The following KIAA1328 variants were observed in gnomAD, a reference collection of about 807,000 sequenced individuals.
KIAA1328 encodes the protein protein hinderin.
Under a neutral mutation model 68.1 loss-of-function variants are expected in KIAA1328, and 52 were observed. That is an observed-to-expected ratio of 0.76 (90% confidence interval 0.61 to 0.96). The LOEUF (loss-of-function observed/expected upper bound fraction) is 0.96, where lower values mean the gene tolerates loss of function less well. Ranked by LOEUF, KIAA1328 falls within the 40% of genes least tolerant of loss-of-function variation. The pLI is 0.00. For synonymous variants in KIAA1328, 232 were observed against 239.4 expected (o/e 0.97, Z 0.28); for missense variants, 641 against 677.6 (o/e 0.95, Z 0.60).
At chr18:36,903,131 G>A (rs1878735483) in intron 5 of KIAA1328, among the ~76,000 whole-genome samples, 1 of 151,898 alleles carries the variant, frequency 6.6e-6, no homozygotes, top group Non-Finnish European at 1.5e-5. Flanking sequence ...GAATAATATA[G>A]AATATTGCTT....
At chr18:37,103,383 T>A (rs1262148168) in intron 7 of KIAA1328, among the ~76,000 whole-genome samples, 1 of 152,114 alleles carries the variant, frequency 6.6e-6, no homozygotes, top group Non-Finnish European at 1.5e-5. Flanking sequence ...TTTGACTGGG[T>A]GCCAAGAGCA....
At chr18:36,943,771 A>G (rs1165526175) in intron 5 of KIAA1328, among the ~76,000 whole-genome samples, 2 of 152,160 alleles carry the variant, frequency 1.3e-5, no homozygotes, top group Non-Finnish European at 2.9e-5. Flanking sequence ...TTTCTCTTTT[A>G]TTATATATAG....
chr18:37,214,635 T>C (rs2060389133), intron 9 of KIAA1328, among the ~76,000 whole-genome samples: 1 of 152,250 alleles, frequency 6.6e-6, no homozygotes, highest in Non-Finnish European at 1.5e-5. Context: ...CAATACGGGC[T>C]CTTTTTTGGT....
intron 4 of KIAA1328, among the ~76,000 whole-genome samples, chr18:36,879,535 C>T (rs557362946): frequency 3.9e-5 from 6 of 152,318 alleles, no homozygotes; most frequent in South Asian, 4.1e-4. Flanking sequence ...CTGTGTCTGT[C>T]GCTTAGCAGA....
intron 6 of KIAA1328, among the ~76,000 whole-genome samples, chr18:37,066,352 T>A (rs1403051023): frequency 6.6e-6 from 1 of 152,210 alleles, no homozygotes. Flanking sequence ...AGAATCCTAT[T>A]TTGTTGAAAG....
chr18:36,962,668 C>T (rs1210848594), intron 6 of KIAA1328, among the ~76,000 whole-genome samples: 1 of 152,234 alleles, frequency 6.6e-6, no homozygotes, highest in African/African-American at 2.4e-5. Flanking sequence ...AAAAAACTCA[C>T]TCAAAACGGC....
intron 6 of KIAA1328, among the ~76,000 whole-genome samples, chr18:36,984,200 G>A (rs532734566): frequency 7.9e-5 from 12 of 152,086 alleles, no homozygotes; most frequent in South Asian, 2.1e-4. Context: ...CAGGAACAAC[G>A]CAAGGATATT....
chr18:36,940,920 C>T (rs1015472616), intron 5 of KIAA1328, among the ~76,000 whole-genome samples: 7 of 152,040 alleles, frequency 4.6e-5, no homozygotes, highest in South Asian at 2.1e-4. Context: ...GTGATCCACC[C>T]GCCTCGGCCT....
intron 6 of KIAA1328, among the ~76,000 whole-genome samples, chr18:37,018,296 T>C (rs1226366413): frequency 6.6e-6 from 1 of 152,204 alleles, no homozygotes; most frequent in Admixed American, 6.5e-5. Context: ...AGGCTCCCAA[T>C]CTCTCCTGGC....
chr18:37,073,061 C>G (rs1296785254), intron 7 of KIAA1328, among the ~76,000 whole-genome samples: 1 of 152,134 alleles, frequency 6.6e-6, no homozygotes, highest in Admixed American at 6.6e-5. Context: ...CATAAAAACC[C>G]TAGAAGAAAA....
intron 5 of KIAA1328, among the ~76,000 whole-genome samples, chr18:36,893,909 A>G (rs1444494439): frequency 6.6e-6 from 1 of 152,150 alleles, no homozygotes; most frequent in Non-Finnish European, 1.5e-5. Context: ...ACAGTGTTAA[A>G]TTGTTTTTAT....
At chr18:36,882,457 A>G (rs943664947) in intron 4 of KIAA1328, among the ~76,000 whole-genome samples, 1 of 152,176 alleles carries the variant, frequency 6.6e-6, no homozygotes, top group East Asian at 1.9e-4. Flanking sequence ...TTTAAAATCT[A>G]TATTAATATA....
intron 7 of KIAA1328, among the ~76,000 whole-genome samples, chr18:37,116,883 T>G (rs186259342): frequency 1.4e-4 from 21 of 152,278 alleles, no homozygotes; most frequent in Admixed American, 9.2e-4. Context: ...AAGAAGACAT[T>G]TATGCAGCCA....
intron 6 of KIAA1328, among the ~76,000 whole-genome samples, chr18:36,967,373 TTCC>T (rs1441480936): frequency 1.3e-5 from 2 of 152,196 alleles, no homozygotes; most frequent in Admixed American, 6.5e-5. Context: ...TGGAATCAGT[TTCC>T]TCCTCAGATA....
intron 7 of KIAA1328, among the ~76,000 whole-genome samples, chr18:37,086,235 T>C (rs764627161): frequency 6.6e-6 from 1 of 152,226 alleles, no homozygotes; most frequent in Non-Finnish European, 1.5e-5. Context: ...CTAAGTGTTC[T>C]CACCACAAAA....
chr18:36,886,641 G>A (rs1294632316), intron 5 of KIAA1328, among the ~76,000 whole-genome samples: 1 of 152,140 alleles, frequency 6.6e-6, no homozygotes, highest in Non-Finnish European at 1.5e-5. Flanking sequence ...TTATCTTTGG[G>A]TATTGTATGC....
intron 7 of KIAA1328, among the ~76,000 whole-genome samples, chr18:37,138,317 T>C (rs1276122094): frequency 1.3e-5 from 2 of 152,176 alleles, no homozygotes; most frequent in Non-Finnish European, 2.9e-5. Context: ...AACTTAGAAA[T>C]AGCTATAGAA....
intron 6 of KIAA1328, among the ~76,000 whole-genome samples, chr18:37,046,782 A>T (rs757248978): frequency 5.9e-5 from 9 of 152,220 alleles, no homozygotes; most frequent in African/African-American, 9.6e-5. Context: ...GAAATTTTAT[A>T]GAGTACTTAA....
intron 5 of KIAA1328, among the ~76,000 whole-genome samples, chr18:36,925,656 G>A (rs746243626): frequency 7.9e-5 from 12 of 151,768 alleles, no homozygotes; most frequent in Non-Finnish European, 1.3e-4. Flanking sequence ...TCGCACCTCA[G>A]CCTGCTAAGT....
Sources: gnomAD v4.1 joint callset for allele counts (sites outside exome capture counted in the v4.1 genomes callset) on GRCh38, gnomAD v4.1.1 for gene constraint, MANE v1.5 for transcripts, NCBI Gene and HGNC (gene_info 2026-07-23, HGNC 2026-07-21) for gene names.